KTN1: variants seen among roughly 807,000 people sequenced by gnomAD.
KTN1 encodes the protein kinectin 1, also known as kinectin.
Under a neutral mutation model 222.5 loss-of-function variants are expected in KTN1, and 130 were observed. The observed-to-expected ratio is 0.58, with a 90% CI of 0.51 to 0.68. The LOEUF is 0.68. Among genes scored for constraint, KTN1 ranks in the 30% least tolerant of loss-of-function variants. KTN1 has a pLI of 0.00. For synonymous variants in KTN1, 512 were observed against 496.3 expected (o/e 1.03, Z -0.42); for missense variants, 1,508 against 1,500.4 (o/e 1.01, Z -0.08).
At position 55,653,191 on chromosome 14, in the gene KTN1, A is replaced by G. The variant is rs2043121516; in HGVS notation, c.2763+106A>G. The G allele has an allele frequency of 3.8e-6, 3 of 794,114 alleles. No homozygotes were observed. In the African/African-American group the frequency reaches 5.2e-5, roughly 14 times the overall value. The allele number at this position is 794,114 out of a possible 1,614,324, so 49.2% of individuals were successfully genotyped here. On this transcript the variant is annotated intron_variant, in intron 27 of 43. Transcript: ENST00000395314. ...ATATGTTCTGAGTTTCTTTGCCAGA[A>G]AAATTATGTTGTACCATAGTTTTGT...
intron 1 of KTN1, among the ~76,000 whole-genome samples, chr14:55,606,403 T>C (rs2036728357): frequency 6.6e-6 from 1 of 152,174 alleles, no homozygotes; most frequent in African/African-American, 2.4e-5. Context: ...ATTTTCACTG[T>C]GTTCAGATTT....
intron 41 of KTN1, among the ~76,000 whole-genome samples, chr14:55,676,388 CT>C (rs1160699518): frequency 8.6e-5 from 13 of 151,918 alleles, no homozygotes; most frequent in Non-Finnish European, 1.6e-4. Flanking sequence ...GACTGCATTT[CT>C]TTGCATTGGT....
chr14:55,612,646 C>T, intron 2 of KTN1, 75 bp downstream of exon 2: 1 of 1,171,848 alleles, frequency 8.5e-7, no homozygotes, highest in Non-Finnish European at 1.2e-6. Context: ...CTGTTAGGTA[C>T]ATACACAGAA....
intron 24 of KTN1, among the ~76,000 whole-genome samples, chr14:55,650,981 A>G (rs947593474): frequency 2.6e-5 from 4 of 152,170 alleles, no homozygotes; most frequent in Non-Finnish European, 4.4e-5. Context: ...TGTTATTTGA[A>G]TATACATTGC....
intron 1 of KTN1, among the ~76,000 whole-genome samples, chr14:55,587,044 G>A (rs1331883964): frequency 2.0e-5 from 3 of 152,100 alleles, no homozygotes; most frequent in East Asian, 1.9e-4. Flanking sequence ...GTTATAATAC[G>A]CTTATTTCTT....
intron 18 of KTN1, among the ~76,000 whole-genome samples, chr14:55,642,531 T>C (rs1396644568): frequency 6.6e-6 from 1 of 152,176 alleles, no homozygotes; most frequent in Non-Finnish European, 1.5e-5. Flanking sequence ...ACACAAACTC[T>C]TGATGACACA....
At chr14:55,681,963 A>T (rs1450546361) in intron 43 of KTN1, 2 of 152,188 alleles carry the variant, frequency 1.3e-5, no homozygotes, top group East Asian at 1.9e-4. Context: ...AGATGATTAC[A>T]TTGAAAATAC....
chr14:55,606,282 A>T (rs1033453313), intron 1 of KTN1, among the ~76,000 whole-genome samples: 5 of 152,142 alleles, frequency 3.3e-5, no homozygotes, highest in African/African-American at 1.2e-4. Context: ...TTATACTGGA[A>T]TTTTTATGAA....
chr14:55,591,358 A>G (rs1037190984), intron 1 of KTN1, among the ~76,000 whole-genome samples: 2 of 152,196 alleles, frequency 1.3e-5, no homozygotes, highest in Non-Finnish European at 2.9e-5. Context: ...ATGACTAGCT[A>G]GAAATAGAAT....
intron 1 of KTN1, among the ~76,000 whole-genome samples, chr14:55,601,558 G>GTT (rs2035970479): frequency 6.6e-6 from 1 of 152,018 alleles, no homozygotes; most frequent in African/African-American, 2.4e-5. Context: ...TTTGATGGCC[G>GTT]TTTCAGGAAA....
At chr14:55,619,346 G>T in intron 5 of KTN1, 34 bp downstream of exon 5, 1 of 1,606,086 alleles carries the variant, frequency 6.2e-7, no homozygotes, top group Non-Finnish European at 8.5e-7. Flanking sequence ...GCATATTCAT[G>T]ACCAGTCATT....
At chr14:55,630,337 A>G (rs1355725790) in intron 7 of KTN1, among the ~76,000 whole-genome samples, 4 of 152,164 alleles carry the variant, frequency 2.6e-5, no homozygotes, top group East Asian at 3.8e-4. Context: ...TGGTGATGGG[A>G]GGTAAGGAAG....
chr14:55,639,362 C>CT (rs369782699), intron 13 of KTN1, 140 bp downstream of exon 13: 11,650 of 350,212 alleles, frequency 0.033, 16 homozygotes, highest in East Asian at 0.04. Context: ...GCAACTTTTG[C>CT]TTTTTTTTTT....
Position 55,651,827 on chromosome 14 carries a change from AT to A in KTN1, c.2566-62del, listed in dbSNP as rs559013635. The A allele has an allele frequency of 2.7e-4, 291 of 1,073,272 alleles. No individual in the cohort carries two copies. In the African/African-American group the frequency reaches 4.0e-3, roughly 15 times the overall value. 66.5% of individuals were successfully genotyped at this position (1,073,272 alleles called of 1,614,324 possible). ...TGAAGTGTACACATTATAAAGACTT[AT>A]AAAGCTTAATAAGTTAAATTGAAAG... On this transcript the variant is annotated intron_variant, in intron 24 of 43. Transcript: ENST00000395314.
chr14:55,581,360 A>G (rs947712946), intron 1 of KTN1, among the ~76,000 whole-genome samples: 1 of 152,260 alleles, frequency 6.6e-6, no homozygotes. Context: ...ATCTAAATTC[A>G]GAACTGTGTT....
intron 7 of KTN1, among the ~76,000 whole-genome samples, chr14:55,632,374 AAC>A (rs1236646243): frequency 6.6e-6 from 1 of 152,224 alleles, no homozygotes; most frequent in Non-Finnish European, 1.5e-5. Flanking sequence ...CTTAATAAGC[AAC>A]AGTTTCTTTT....
chr14:55,637,898 C>T, intron 12 of KTN1, 51 bp downstream of exon 12: 1 of 1,380,320 alleles, frequency 7.2e-7, no homozygotes. Context: ...GCCATTTAAA[C>T]ACTCACCTGA....
In KTN1 at chr14:55,645,090, A is replaced by G. The variant is rs150749394; in HGVS notation, c.2173-1883A>G. Among the ~76,000 whole-genome samples, 493 of 152,314 alleles carry G rather than the reference A, an allele frequency of 3.2e-3. 3 individuals are homozygous for G. Among genetic ancestry groups the G allele is most frequent in the African/African-American group, 7.9e-3 (327 of 41,578 alleles). On this transcript the variant is annotated intron_variant, in intron 18 of 43. Transcript: ENST00000395314. ...AAGTTTCTGAACTCTATACAGGTTT[A>G]GAGGAAGAGATAATGCATTCTATTA...
At position 55,678,490 on chromosome 14, in the gene KTN1, G is replaced by T; in HGVS notation, c.3948+46G>T. ...CAGATCTCTGAGCTAGTTACCTTGT[G>T]ACCTGTGTAAAGAACAAAAATGTAT... On this transcript the variant is annotated intron_variant, in intron 42 of 43. Transcript: ENST00000395314. The T allele has an allele frequency of 2.4e-6, 3 of 1,226,612 alleles. No homozygotes were observed. In the South Asian group the frequency reaches 3.6e-5, roughly 15 times the overall value. 76.0% of individuals were successfully genotyped at this position (1,226,612 alleles called of 1,614,324 possible). A position where few individuals can be genotyped will look rare whatever the true frequency, so the allele number is the denominator to read the frequency against.
Sources: allele counts gnomAD v4.1 joint callset (sites outside exome capture counted in the v4.1 genomes callset), GRCh38; gene constraint gnomAD v4.1.1; transcripts MANE v1.5; gene names NCBI Gene and HGNC (gene_info 2026-07-23, HGNC 2026-07-21).